Variants in SLC20A2 observed in about 807,000 individuals in gnomAD.
The protein encoded by SLC20A2 is solute carrier family 20 member 2, also known as sodium-dependent phosphate transporter 2.
A neutral mutation model predicts 61.0 loss-of-function variants in SLC20A2; 30 were observed. The ratio of observed to expected loss-of-function variants is 0.49; its 90% confidence interval spans 0.37 to 0.67. The LOEUF (loss-of-function observed/expected upper bound fraction) is 0.67, where lower values mean the gene tolerates loss of function less well. SLC20A2 is among the 30% of genes least tolerant of loss of function. The pLI is 0.00. For missense variants in SLC20A2, 626 were observed against 866.4 expected (o/e 0.72, Z 3.48); for synonymous variants, 351 against 353.3 (o/e 0.99, Z 0.07).
At chr8:42,488,342 C>T (rs948171635) in intron 1 of SLC20A2, among the ~76,000 whole-genome samples, 1 of 151,876 alleles carries the variant, frequency 6.6e-6, no homozygotes, top group East Asian at 1.9e-4. Context: ...TGCACCACCA[C>T]ACCTGGCTAA....
chr8:42,526,420 T>TC (rs1563548891), intron 1 of SLC20A2, among the ~76,000 whole-genome samples: 1 of 151,524 alleles, frequency 6.6e-6, no homozygotes, highest in Non-Finnish European at 1.5e-5. Flanking sequence ...ACGCCTGTAA[T>TC]CCCAGGACTT....
intron 1 of SLC20A2, among the ~76,000 whole-genome samples, chr8:42,500,296 T>C (rs1030696960): frequency 6.6e-6 from 1 of 152,238 alleles, no homozygotes; most frequent in African/African-American, 2.4e-5. Context: ...AGCAAGATGA[T>C]TCAAATTTAA....
intron 1 of SLC20A2, among the ~76,000 whole-genome samples, chr8:42,539,218 A>C (rs1812900255): frequency 6.6e-6 from 1 of 152,194 alleles, no homozygotes; most frequent in Non-Finnish European, 1.5e-5. Flanking sequence ...CTGATAGCTA[A>C]GTTCCAGCAT....
chr8:42,538,298 C>T lies in SLC20A2; in HGVS notation c.-265+3523G>A, dbSNP rs138126586. The T allele has an allele frequency of 1.5e-3, 229 of 149,212 alleles. 1 individual carries two copies. The highest frequency in any genetic ancestry group is 5.4e-3 in the African/African-American group (220 of 40,892). 9.2% of individuals were successfully genotyped at this position (149,212 alleles called of 1,614,324 possible). On this transcript the variant is annotated intron_variant, in intron 1 of 10. Transcript: ENST00000342228. Reference sequence around the variant, plus strand: ...GTATTATATAATATTATATATTATACTGGATACCAAGGCAATTCTCAAAAA... The same window carrying T: ...GTATTATATAATATTATATATTATATTGGATACCAAGGCAATTCTCAAAAA...
intron 7 of SLC20A2, among the ~76,000 whole-genome samples, chr8:42,438,847 GCAGGGATTA>G (rs1394742999): frequency 6.6e-6 from 1 of 152,206 alleles, no homozygotes; most frequent in African/African-American, 2.4e-5. Flanking sequence ...CTCCCGAGTA[GCAGGGATTA>G]CAGGCACCCA....
At chr8:42,473,794 A>G (rs760648838) in intron 1 of SLC20A2, among the ~76,000 whole-genome samples, 7 of 152,224 alleles carry the variant, frequency 4.6e-5, no homozygotes, top group Non-Finnish European at 1.5e-5. Flanking sequence ...CAATATAATA[A>G]TTTGACCCAT....
intron 10 of SLC20A2, among the ~76,000 whole-genome samples, chr8:42,425,687 T>C (rs1370836067): frequency 1.3e-5 from 2 of 152,170 alleles, no homozygotes; most frequent in Non-Finnish European, 2.9e-5. Context: ...TGCAGTCCCA[T>C]TCAGGGAGAC....
intron 1 of SLC20A2, among the ~76,000 whole-genome samples, chr8:42,532,725 C>T (rs1042361524): frequency 3.9e-5 from 6 of 151,956 alleles, no homozygotes; most frequent in Non-Finnish European, 5.9e-5. Context: ...AATGTGGAGA[C>T]GAGAAGGAAC....
chr8:42,437,627 CT>C lies in SLC20A2; in HGVS notation c.935-51del. 8.2e-7 allele frequency: 1 copy of C among 1,218,254 alleles called. No individual in the cohort carries two copies. The highest frequency in any genetic ancestry group is 1.1e-6 in the Non-Finnish European group (1 of 906,090). 75.5% of individuals were successfully genotyped at this position (1,218,254 alleles called of 1,614,324 possible). A position where few individuals can be genotyped will look rare whatever the true frequency, so the allele number is the denominator to read the frequency against. On this transcript the variant is annotated intron_variant, in intron 7 of 10. Coordinates refer to ENST00000520262, the MANE Select transcript of SLC20A2 (RefSeq NM_001257180.2). The surrounding 1 kb of genome is among the most constrained non-coding windows in gnomAD (Gnocchi z 6.4). The stretch of plus-strand genomic sequence containing the variant: ...ATTTTCCAGTCTTTTTTTTTTTTTT[CT>C]TTTCTTTTTGAGACGGAGCCTTGCT...
chr8:42,463,004 C>A lies in SLC20A2; in HGVS notation c.516+1G>T, dbSNP rs772566772. 1 of 1,577,904 alleles carries A rather than the reference C, an allele frequency of 6.3e-7. No homozygotes were observed. Among genetic ancestry groups the A allele is most frequent in the Admixed American group, 1.9e-5 (1 of 53,718 alleles). Reference sequence around the variant, plus strand: ...TAATTAAAAGTAGCAGCCCCACTTACCTTTTTTAAGATGAAAATTCTGATG... The same window carrying A: ...TAATTAAAAGTAGCAGCCCCACTTAACTTTTTTAAGATGAAAATTCTGATG... On this transcript the variant is annotated splice_donor_variant, in intron 4 of 10. Coordinates refer to ENST00000520262, the MANE Select transcript of SLC20A2 (RefSeq NM_001257180.2). LOFTEE classifies it high-confidence loss of function.
chr8:42,418,906 G>A (rs1009946247), intron 10 of SLC20A2, among the ~76,000 whole-genome samples: 1 of 150,592 alleles, frequency 6.6e-6, no homozygotes, highest in Non-Finnish European at 1.5e-5. Context: ...GCTGAGGCGG[G>A]AGAATGGCGT....
chr8:42,449,996 C>T (rs1185909005), intron 5 of SLC20A2, among the ~76,000 whole-genome samples: 1 of 152,180 alleles, frequency 6.6e-6, no homozygotes, highest in Non-Finnish European at 1.5e-5. Context: ...TGCACACACA[C>T]AGAGATTACC....
At chr8:42,428,131 C>T (rs1040780124) in intron 10 of SLC20A2, among the ~76,000 whole-genome samples, 3 of 152,162 alleles carry the variant, frequency 2.0e-5, no homozygotes, top group Admixed American at 1.3e-4. Flanking sequence ...CCTGAAACTC[C>T]CGGAACCCAT....
intron 1 of SLC20A2, among the ~76,000 whole-genome samples, chr8:42,537,064 G>C (rs184455880): frequency 6.6e-5 from 10 of 150,814 alleles, no homozygotes; most frequent in African/African-American, 2.2e-4. Flanking sequence ...AACAGAGCCG[G>C]AGTCTGTTTA....
chr8:42,476,047 C>T (rs892908559), intron 1 of SLC20A2, among the ~76,000 whole-genome samples: 2 of 137,134 alleles, frequency 1.5e-5, no homozygotes, highest in Non-Finnish European at 1.6e-5. Context: ...ACCACAGGTG[C>T]GCTTTTGATT....
At chr8:42,436,393 T>C (rs1804256081) in intron 8 of SLC20A2, among the ~76,000 whole-genome samples, 1 of 152,134 alleles carries the variant, frequency 6.6e-6, no homozygotes, top group Non-Finnish European at 1.5e-5. Context: ...ACTCTTGCCT[T>C]TGCCAAGGCC....
intron 3 of SLC20A2, among the ~76,000 whole-genome samples, chr8:42,465,294 TG>T (rs568804948): frequency 7.2e-5 from 11 of 151,940 alleles, no homozygotes; most frequent in African/African-American, 2.6e-4. Flanking sequence ...TGACCTCAGG[TG>T]ATCTGCCTGC....
intron 10 of SLC20A2, among the ~76,000 whole-genome samples, chr8:42,419,341 G>C (rs924377223): frequency 1.3e-5 from 2 of 151,994 alleles, no homozygotes; most frequent in Non-Finnish European, 2.9e-5. Context: ...AGGCCGAGGC[G>C]GGTGGATCAC....
At chr8:42,421,349 G>C (rs971026883) in intron 10 of SLC20A2, among the ~76,000 whole-genome samples, 1 of 152,108 alleles carries the variant, frequency 6.6e-6, no homozygotes, top group African/African-American at 2.4e-5. Flanking sequence ...GTGCTTATTA[G>C]GATTATTCTG....
Sources: gnomAD v4.1 joint callset for allele counts (sites outside exome capture counted in the v4.1 genomes callset) on GRCh38, gnomAD v4.1.1 for gene constraint, Gnocchi (gnomAD v3.1) non-coding constraint, MANE v1.5 for transcripts, NCBI Gene and HGNC (gene_info 2026-07-23, HGNC 2026-07-21) for gene names.